Variants in SNX29 observed in about 807,000 individuals in gnomAD.
SNX29 encodes the protein sorting nexin-29.
A neutral mutation model predicts 102.1 loss-of-function variants in SNX29; 78 were observed. That is an observed-to-expected ratio of 0.76 (90% CI 0.64 to 0.92). The LOEUF is 0.92. SNX29 is among the 40% of genes least tolerant of loss of function. SNX29 has a pLI of 0.00. For synonymous variants in SNX29, 580 were observed against 414.5 expected (o/e 1.40, Z -4.85); for missense variants, 1,280 against 1,061.7 (o/e 1.21, Z -2.86).
intron 14 of SNX29, among the ~76,000 whole-genome samples, chr16:12,218,434 A>C (rs1342982444): frequency 6.6e-6 from 1 of 152,202 alleles, no homozygotes; most frequent in Non-Finnish European, 1.5e-5. Context: ...TTTTTAAATA[A>C]AGTTTTATTG....
rs1555544980 is a variant in SNX29, at chr16:12,463,853, T to TGA, written c.2038-13861_2038-13860dup. ...GTGTGTGTGTGTGTGTGTGTGTGTGTGAGAGATGACACTTAAAGTTGGCTT... is the reference window on the plus strand; with the variant it reads ...GTGTGTGTGTGTGTGTGTGTGTGTGTGAGAGAGATGACACTTAAAGTTGGCTT... On this transcript the variant is annotated intron_variant, in intron 18 of 20. Coordinates refer to ENST00000566228, the MANE Select transcript of SNX29 (RefSeq NM_032167.5). Among the ~76,000 whole-genome samples, 360 of 137,378 alleles carry TGA rather than the reference T, an allele frequency of 2.6e-3. 7 individuals are homozygous for TGA. Among genetic ancestry groups the TGA allele is most frequent in the African/African-American group, 9.0e-3 (336 of 37,134 alleles). 90.1% of individuals were successfully genotyped at this position (137,378 alleles called of 152,430 possible).
intron 20 of SNX29, among the ~76,000 whole-genome samples, chr16:12,530,303 C>A (rs952844267): frequency 6.6e-6 from 1 of 152,098 alleles, no homozygotes; most frequent in Non-Finnish European, 1.5e-5. Context: ...ACTGTTTGTA[C>A]CAACAGACAG....
chr16:12,477,895 C>T, intron 19 of SNX29, 36 bp downstream of exon 19: 1 of 1,550,528 alleles, frequency 6.4e-7, no homozygotes, highest in Non-Finnish European at 8.7e-7. Context: ...CTTGTCACTG[C>T]CTGCGTTAAA....
At chr16:11,996,558 A>T (rs1246797816) in intron 1 of SNX29, among the ~76,000 whole-genome samples, 4 of 152,178 alleles carry the variant, frequency 2.6e-5, no homozygotes, top group South Asian at 4.1e-4. Flanking sequence ...TTCCTGCATG[A>T]ATTGCTTTTA....
At chr16:12,291,470 G>A (rs551260420) in intron 15 of SNX29, among the ~76,000 whole-genome samples, 1 of 152,276 alleles carries the variant, frequency 6.6e-6, no homozygotes, top group East Asian at 1.9e-4. Flanking sequence ...CACGACACGT[G>A]GGAATTGTGG....
intron 16 of SNX29, chr16:12,373,852 C>G (rs958282183): frequency 6.6e-6 from 1 of 152,250 alleles, no homozygotes; most frequent in Non-Finnish European, 1.5e-5. Context: ...ATGGTCAACA[C>G]TGCTGTTTTC....
At position 12,417,659 on chromosome 16, in the gene SNX29, C is replaced by T. The variant is rs555170476; in HGVS notation, c.2037+14130C>T. On this transcript the variant is annotated intron_variant, in intron 18 of 20. Coordinates refer to ENST00000566228, the MANE Select transcript of SNX29 (RefSeq NM_032167.5). ...TCCTTTTCCCTGTCATTTCCCTCTT[C>T]CCTTCCTCCTCTTACTGCCTCTCTC... Among the ~76,000 whole-genome samples the T allele has an allele frequency of 6.9e-4, 105 of 152,136 alleles. 1 individual carries two copies. The highest frequency in any genetic ancestry group is 3.3e-3 in the Admixed American group (50 of 15,284).
chr16:12,175,284 C>T (rs779532441), intron 13 of SNX29, among the ~76,000 whole-genome samples: 68 of 152,114 alleles, frequency 4.5e-4, no homozygotes, highest in Non-Finnish European at 8.4e-4. Flanking sequence ...TAAGCCCTAA[C>T]TCCCAATGTG....
chr16:12,123,262 C>T (rs1385391122), intron 11 of SNX29, among the ~76,000 whole-genome samples: 2 of 152,108 alleles, frequency 1.3e-5, no homozygotes, highest in Non-Finnish European at 2.9e-5. Flanking sequence ...CCCGAGTGAA[C>T]ATTTTTTTGT....
intron 15 of SNX29, among the ~76,000 whole-genome samples, chr16:12,288,496 A>C (rs1451246008): frequency 1.3e-5 from 2 of 152,080 alleles, no homozygotes; most frequent in Admixed American, 1.3e-4. Flanking sequence ...ACTCCACTGG[A>C]GCTGTGACAC....
At chr16:12,376,702 A>C (rs2082885509) in intron 16 of SNX29, among the ~76,000 whole-genome samples, 1 of 131,026 alleles carries the variant, frequency 7.6e-6, no homozygotes, top group Non-Finnish European at 1.5e-5. Context: ...GCACCACTGC[A>C]CTCCAGCCTG....
At chr16:12,025,602 T>C (rs751070309) in intron 3 of SNX29, among the ~76,000 whole-genome samples, 11 of 152,206 alleles carry the variant, frequency 7.2e-5, no homozygotes, top group Non-Finnish European at 1.3e-4. Flanking sequence ...CCTAATAGGC[T>C]CCCTTCTGTG....
chr16:12,303,164 A>G (rs1296519869), intron 15 of SNX29, among the ~76,000 whole-genome samples: 1 of 152,240 alleles, frequency 6.6e-6, no homozygotes, highest in Admixed American at 6.5e-5. Context: ...CGATAGAGGT[A>G]TGGAGTTGGT....
chr16:12,259,237 GA>G (rs952243887), intron 14 of SNX29, among the ~76,000 whole-genome samples: 4 of 151,954 alleles, frequency 2.6e-5, no homozygotes, highest in Admixed American at 1.3e-4. Context: ...TCAACGTGGG[GA>G]AAAAAAATGC....
At chr16:12,536,807 C>G (rs2077097752) in intron 20 of SNX29, among the ~76,000 whole-genome samples, 2 of 152,130 alleles carry the variant, frequency 1.3e-5, no homozygotes, top group Admixed American at 6.6e-5. Context: ...AAAACCCCAT[C>G]TCTATTAAAA....
At chr16:12,411,174 C>G (rs554969627) in intron 18 of SNX29, among the ~76,000 whole-genome samples, 47 of 152,314 alleles carry the variant, frequency 3.1e-4, no homozygotes, top group African/African-American at 1.0e-3. Flanking sequence ...GCATTTCTCT[C>G]TTGCTCACAC....
intron 13 of SNX29, among the ~76,000 whole-genome samples, chr16:12,131,957 G>T (rs766102503): frequency 6.6e-6 from 1 of 152,116 alleles, no homozygotes. Context: ...TGCCTAGTTC[G>T]GCATTTTCTC....
chr16:12,135,702 A>C, intron 13 of SNX29: 6 of 1,018,108 alleles, frequency 5.9e-6, no homozygotes, highest in Non-Finnish European at 8.1e-6. Context: ...TGGACTTTTC[A>C]TGTATGTGAG....
chr16:12,562,911 T>G (rs2078809960), intron 20 of SNX29, among the ~76,000 whole-genome samples: 1 of 152,172 alleles, frequency 6.6e-6, no homozygotes, highest in South Asian at 2.1e-4. Context: ...GTGCTTGAGA[T>G]TCGTCCATGT....
Sources: gnomAD v4.1 joint callset for allele counts (sites outside exome capture counted in the v4.1 genomes callset) on GRCh38, gnomAD v4.1.1 for gene constraint, MANE v1.5 for transcripts, NCBI Gene and HGNC (gene_info 2026-07-23, HGNC 2026-07-21) for gene names.